Variants in FREM2 observed in about 807,000 individuals in gnomAD.
FREM2 encodes FRAS1 related extracellular matrix 2.
FREM2 carries 119 observed loss-of-function variants against 219.9 expected under a neutral mutation model. That is an observed-to-expected ratio of 0.54 (90% CI 0.47 to 0.63). FREM2 has a LOEUF of 0.63. FREM2 is among the 30% of genes least tolerant of loss of function. FREM2 has a pLI of 0.00. For synonymous variants in FREM2, 1,562 were observed against 1,522.8 expected (o/e 1.03, Z -0.60); for missense variants, 4,030 against 3,993.6 (o/e 1.01, Z -0.25).
chr13:38,861,533 A>G lies in FREM2; in HGVS notation c.7622A>G (p.Lys2541Arg), dbSNP rs1877762339. The change falls in exon 15 of 24, where the codon AAG becomes AGG. Residue 2541 changes from lysine (K) to arginine (R), a missense_variant. Around this residue, in one of 2 missense-constraint regions of FREM2, gnomAD observed 928 missense variants for 1,042.9 expected, o/e 0.89. Coordinates refer to ENST00000280481, the MANE Select transcript of FREM2 (RefSeq NM_207361.6). The part of the protein sequence containing the change: ...PEDADYTNLI[K>R]LTVTMPHIDG... ...GATGCAGACTACACAAACCTTATCA[A>G]GCTCACTGTCACAATGCCACACATA... 6.2e-7 allele frequency: 1 copy of G among 1,614,022 alleles called. No individual in the cohort carries two copies. Among genetic ancestry groups the G allele is most frequent in the Non-Finnish European group, 8.5e-7 (1 of 1,180,022 alleles).
At chr13:38,720,600 G>A (rs2138107030) in intron 2 of FREM2, among the ~76,000 whole-genome samples, 1 of 152,274 alleles carries the variant, frequency 6.6e-6, no homozygotes, top group Non-Finnish European at 1.5e-5. Context: ...AAAGCCTAAA[G>A]CTAGACCAGG....
chr13:38,820,055 A>G (rs1418041544), intron 6 of FREM2, among the ~76,000 whole-genome samples: 1 of 152,148 alleles, frequency 6.6e-6, no homozygotes, highest in Non-Finnish European at 1.5e-5. Flanking sequence ...GTCATAGATA[A>G]TAGAATAACT....
intron 2 of FREM2, among the ~76,000 whole-genome samples, chr13:38,708,490 C>T (rs1282164254): frequency 6.6e-6 from 1 of 152,088 alleles, no homozygotes; most frequent in East Asian, 2.0e-4. Flanking sequence ...ACTGTCTCTA[C>T]TAAAAATACA....
intron 2 of FREM2, among the ~76,000 whole-genome samples, chr13:38,749,848 T>G (rs1205539953): frequency 6.6e-6 from 1 of 152,238 alleles, no homozygotes; most frequent in African/African-American, 2.4e-5. Flanking sequence ...AAAAAGTTTA[T>G]GCATGCAATT....
intron 1 of FREM2, among the ~76,000 whole-genome samples, chr13:38,695,679 A>G (rs1870079887): frequency 6.6e-6 from 1 of 152,176 alleles, no homozygotes; most frequent in African/African-American, 2.4e-5. Flanking sequence ...TAGTCAGCAG[A>G]GTTTACTGCA....
At chr13:38,796,367 T>C (rs993010917) in intron 6 of FREM2, among the ~76,000 whole-genome samples, 2 of 152,198 alleles carry the variant, frequency 1.3e-5, no homozygotes, top group Admixed American at 1.3e-4. Context: ...TGTGTCTTCA[T>C]CCTAACTCAG....
chr13:38,812,497 A>G (rs1022385098), intron 6 of FREM2, among the ~76,000 whole-genome samples: 1 of 152,098 alleles, frequency 6.6e-6, no homozygotes, highest in African/African-American at 2.4e-5. Context: ...AAGGCTTGCA[A>G]ATACTATCTT....
intron 6 of FREM2, among the ~76,000 whole-genome samples, chr13:38,816,874 G>T (rs532026731): frequency 6.6e-6 from 1 of 151,974 alleles, no homozygotes; most frequent in Non-Finnish European, 1.5e-5. Flanking sequence ...CAGTAAAGTC[G>T]CAGTATACAA....
chr13:38,874,298 C>A (rs1180422888), intron 17 of FREM2, among the ~76,000 whole-genome samples, 184 bp from the exon 18 acceptor site: 2 of 152,098 alleles, frequency 1.3e-5, no homozygotes, highest in African/African-American at 4.8e-5. Context: ...ATTTTGGCTC[C>A]CTTTTCTGCT....
At chr13:38,693,430 G>A (rs761912303) in intron 1 of FREM2, among the ~76,000 whole-genome samples, 1 of 152,220 alleles carries the variant, frequency 6.6e-6, no homozygotes, top group Non-Finnish European at 1.5e-5. Context: ...AATTTCCTTT[G>A]TGGGTGGACA....
At chr13:38,815,760 A>G (rs566778704) in intron 6 of FREM2, among the ~76,000 whole-genome samples, 18 of 152,260 alleles carry the variant, frequency 1.2e-4, no homozygotes, top group African/African-American at 4.3e-4. Context: ...AGAAGGTGCA[A>G]GATCCCATAG....
chr13:38,720,852 G>A (rs779715129), intron 2 of FREM2, among the ~76,000 whole-genome samples: 3 of 152,158 alleles, frequency 2.0e-5, no homozygotes, highest in Non-Finnish European at 4.4e-5. Context: ...TGTCCAGAGG[G>A]TTGGAGTTCG....
chr13:38,813,322 C>T (rs1021119729), intron 6 of FREM2, among the ~76,000 whole-genome samples: 7 of 151,648 alleles, frequency 4.6e-5, no homozygotes, highest in East Asian at 3.9e-4. Flanking sequence ...AGGATAATTG[C>T]GCAAGATATA....
rs984911665 is a variant in FREM2 at position 38,712,066 on chromosome 13, G to A, written c.5263+14279G>A. On this transcript the variant is annotated intron_variant, in intron 2 of 23. Transcript: ENST00000280481. ...CTCCCTAATAGCTGGGACTACAGGC[G>A]CCTTCCCCCACCCCCAGCTAATTTT... Among the ~76,000 whole-genome samples the A allele has an allele frequency of 4.6e-5, 7 of 151,526 alleles. 1 individual carries two copies. Among genetic ancestry groups the A allele is most frequent in the Non-Finnish European group, 8.8e-5 (6 of 67,912 alleles).
chr13:38,734,412 A>G (rs1593373476), intron 2 of FREM2, among the ~76,000 whole-genome samples: 2 of 152,178 alleles, frequency 1.3e-5, no homozygotes, highest in Admixed American at 1.3e-4. Flanking sequence ...TTTATATATA[A>G]CTAGTTAAAA....
intron 1 of FREM2, among the ~76,000 whole-genome samples, chr13:38,696,503 A>G (rs1467009953): frequency 6.6e-6 from 1 of 152,196 alleles, no homozygotes; most frequent in Non-Finnish European, 1.5e-5. Context: ...ACAGATAAAT[A>G]TTACCTATCA....
In FREM2 at chr13:38,689,317, C is replaced by G. The variant is rs1181737694; in HGVS notation, c.1973C>G (p.Ser658Cys). 2 of 1,613,934 alleles carry G rather than the reference C, an allele frequency of 1.2e-6. No homozygotes were observed. The highest frequency in any genetic ancestry group is 2.2e-5 in the East Asian group (1 of 44,868). The change falls in exon 1 of 24, where the codon TCT becomes TGT. Residue 658 changes from serine (S) to cysteine (C), a missense_variant. By Grantham distance (112) the Ser-to-Cys change is moderately radical. Transcript: ENST00000280481. ...GAGGGCAGGCTGTTCTATAGACACT[C>G]TGGGCCCCATAGTCCTGGGCCAGTC... ...ITEGRLFYRHSGPHSPGPVTD... is the reference protein window; with the variant it reads ...ITEGRLFYRHCGPHSPGPVTD...
At chr13:38,797,447 A>C (rs568314188) in intron 6 of FREM2, among the ~76,000 whole-genome samples, 1 of 152,012 alleles carries the variant, frequency 6.6e-6, no homozygotes, top group Non-Finnish European at 1.5e-5. Flanking sequence ...TAATGGGATT[A>C]TTTGTATTTT....
At chr13:38,801,595 G>C (rs912290733) in intron 6 of FREM2, among the ~76,000 whole-genome samples, 1 of 152,108 alleles carries the variant, frequency 6.6e-6, no homozygotes, top group African/African-American at 2.4e-5. Context: ...TTTATTGACT[G>C]TAAATAACAT....
Sources: allele counts gnomAD v4.1 joint callset (sites outside exome capture counted in the v4.1 genomes callset), GRCh38; gene constraint gnomAD v4.1.1; regional missense constraint gnomAD v4.1.1; transcripts MANE v1.5; gene names NCBI Gene and HGNC (gene_info 2026-07-23, HGNC 2026-07-21).